Variants in AMBRA1 observed in about 807,000 individuals in gnomAD.
AMBRA1 encodes activating molecule in BECN1-regulated autophagy protein 1.
Under a neutral mutation model 125.4 loss-of-function variants are expected in AMBRA1, and 47 were observed. That is an observed-to-expected ratio of 0.37 (90% CI 0.30 to 0.48). The LOEUF is 0.48. Ranked by LOEUF, AMBRA1 falls within the 20% of genes least tolerant of loss-of-function variation. The pLI is 0.99. For synonymous variants in AMBRA1, 626 were observed against 655.5 expected, an observed-to-expected ratio of 0.95 and a Z score of 0.69; for missense variants, 1,331 against 1,693.4, an observed-to-expected ratio of 0.79 and a Z score of 3.76.
chr11:46,569,307 T>C (rs1277423222), intron 1 of AMBRA1, among the ~76,000 whole-genome samples: 1 of 150,180 alleles, frequency 6.7e-6, no homozygotes, highest in Non-Finnish European at 1.5e-5. Context: ...AAACTCATAG[T>C]TCATACAAAC....
chr11:46,524,637 G>T (rs957062785), intron 7 of AMBRA1, among the ~76,000 whole-genome samples: 2 of 152,126 alleles, frequency 1.3e-5, no homozygotes, highest in African/African-American at 2.4e-5. Flanking sequence ...ATTTCACATG[G>T]TTATTATGAT....
chr11:46,525,515 C>T (rs1325388780), intron 7 of AMBRA1, among the ~76,000 whole-genome samples: 1 of 152,122 alleles, frequency 6.6e-6, no homozygotes, highest in Non-Finnish European at 1.5e-5. Context: ...AAGGCCAAGG[C>T]AGGTAGATCA....
chr11:46,554,395 C>T (rs952585994), intron 1 of AMBRA1, among the ~76,000 whole-genome samples: 7 of 152,082 alleles, frequency 4.6e-5, no homozygotes, highest in Non-Finnish European at 2.9e-5. Context: ...CTACAGGATT[C>T]AGAAAGGGGA....
intron 1 of AMBRA1, among the ~76,000 whole-genome samples, chr11:46,577,216 T>C (rs1470682494): frequency 6.6e-6 from 1 of 152,222 alleles, no homozygotes; most frequent in Non-Finnish European, 1.5e-5. Context: ...CAAATGTTCT[T>C]CAATGGATGA....
intron 7 of AMBRA1, among the ~76,000 whole-genome samples, chr11:46,527,460 A>G (rs1379712173): frequency 2.1e-5 from 3 of 140,774 alleles, no homozygotes; most frequent in Non-Finnish European, 4.6e-5. Context: ...AGCCTAGGTG[A>G]CAAAGTGAGA....
At chr11:46,486,877 G>A (rs1362422079) in intron 11 of AMBRA1, among the ~76,000 whole-genome samples, 1 of 151,728 alleles carries the variant, frequency 6.6e-6, no homozygotes, top group Non-Finnish European at 1.5e-5. Flanking sequence ...CTGCACTCCA[G>A]CCTGGGTGAC....
At chr11:46,520,507 T>C (rs1163610401) in intron 7 of AMBRA1, among the ~76,000 whole-genome samples, 1 of 151,982 alleles carries the variant, frequency 6.6e-6, no homozygotes, top group Non-Finnish European at 1.5e-5. Context: ...TTACTGTCTG[T>C]AAAAAGCCTT....
chr11:46,547,377 A>G (rs1440444691), intron 3 of AMBRA1, 81 bp from the exon 4 acceptor site: 1 of 1,263,326 alleles, frequency 7.9e-7, no homozygotes, highest in Non-Finnish European at 1.1e-6. Context: ...GACATAGAAT[A>G]TTGATGCTAC....
At chr11:46,565,262 A>C (rs1451349146) in intron 1 of AMBRA1, among the ~76,000 whole-genome samples, 1 of 152,080 alleles carries the variant, frequency 6.6e-6, no homozygotes, top group Non-Finnish European at 1.5e-5. Context: ...CCCTCTAAAA[A>C]AAAAACGAAA....
rs539640926 is a variant in AMBRA1, at chr11:46,421,209, G to A, written c.2977-3157C>T. On this transcript the variant is annotated intron_variant, in intron 14 of 17. Coordinates refer to ENST00000683756, the MANE Select transcript of AMBRA1 (RefSeq NM_001387011.1). Reference sequence around the variant, plus strand: ...AAGTAATGAAATGTTGAGACCCCCGGGTTGTTGCTAGCCACTTCCCAACTT... The same window carrying A: ...AAGTAATGAAATGTTGAGACCCCCGAGTTGTTGCTAGCCACTTCCCAACTT... Among the ~76,000 whole-genome samples, 13 of 152,296 alleles carry A rather than the reference G, an allele frequency of 8.5e-5. No homozygotes were observed. In the South Asian group the frequency reaches 2.1e-3, roughly 24 times the overall value.
At chr11:46,494,054 A>C (rs1590948129) in intron 10 of AMBRA1, 70 bp downstream of exon 10, 35 of 1,428,870 alleles carry the variant, frequency 2.4e-5, no homozygotes, top group Non-Finnish European at 3.3e-5. Context: ...CAAAGACCAG[A>C]AAGTAGGTTT....
At chr11:46,530,850 AGTTT>A (rs1952181243) in intron 7 of AMBRA1, among the ~76,000 whole-genome samples, 1 of 152,200 alleles carries the variant, frequency 6.6e-6, no homozygotes, top group African/African-American at 2.4e-5. Flanking sequence ...CTCCATAAAT[AGTTT>A]TTTTGGAACA....
intron 1 of AMBRA1, among the ~76,000 whole-genome samples, chr11:46,569,821 T>G (rs2043691691): frequency 6.6e-6 from 1 of 151,572 alleles, no homozygotes; most frequent in South Asian, 2.1e-4. Flanking sequence ...ATTAGCCAGG[T>G]GTGTTGGTAT....
intron 17 of AMBRA1, among the ~76,000 whole-genome samples, chr11:46,400,488 T>TG (rs1945695748): frequency 1.4e-5 from 1 of 73,728 alleles, no homozygotes; most frequent in African/African-American, 7.1e-5. Flanking sequence ...TTTTTTTTTT[T>TG]TTTTTTTTTT....
chr11:46,568,742 A>T (rs568725094), intron 1 of AMBRA1, among the ~76,000 whole-genome samples: 33 of 147,032 alleles, frequency 2.2e-4, no homozygotes, highest in South Asian at 4.4e-4. Context: ...ATTGCACTCC[A>T]GCTTGGGCAA....
Position 46,575,054 on chromosome 11 carries a change from G to C in AMBRA1, c.-121+18774C>G, listed in dbSNP as rs148678267. ...TTCTTGGCAGCAGAGAAGTGAACAAGTAAATGCTCCCATAGTTCAACTAGC... is the reference window on the plus strand; with the variant it reads ...TTCTTGGCAGCAGAGAAGTGAACAACTAAATGCTCCCATAGTTCAACTAGC... On this transcript the variant is annotated intron_variant, in intron 1 of 17. Coordinates refer to ENST00000683756, the MANE Select transcript of AMBRA1 (RefSeq NM_001387011.1). Among the ~76,000 whole-genome samples the C allele has an allele frequency of 2.0e-3, 306 of 152,302 alleles. 1 individual carries two copies. The Middle Eastern group carries it at 0.024, about 12-fold the overall frequency.
At chr11:46,593,383 G>A (rs1326528510) in intron 1 of AMBRA1, among the ~76,000 whole-genome samples, 1 of 152,126 alleles carries the variant, frequency 6.6e-6, no homozygotes, top group African/African-American at 2.4e-5. Context: ...TCGCTCAGAA[G>A]AGCCAGAGGG....
In AMBRA1 at chr11:46,542,136, G is replaced by A; in HGVS notation, c.1881C>T (p.Pro627=). Residue 627 remains proline (P), a synonymous_variant, in exon 7 of 18, where the codon CCC becomes CCT. Transcript: ENST00000683756. This position sits in a 1 kb window ranked among gnomAD's most constrained non-coding sequence, Gnocchi z 5.9. ...PPLERTEGQT[P]SSSRLELSSS... is the part of the protein sequence containing the mutation. ...TGCTCAACTCCAGCCTGCTGGAGCT[G>A]GGCGTTTGGCCCTCAGTCCGCTCGA... is the stretch of plus-strand genomic sequence containing the variant. The A allele has an allele frequency of 1.2e-6, 2 of 1,614,054 alleles. No homozygotes were observed. Among genetic ancestry groups the A allele is most frequent in the Non-Finnish European group, 1.7e-6 (2 of 1,179,936 alleles).
intron 1 of AMBRA1, among the ~76,000 whole-genome samples, chr11:46,585,598 G>A (rs770808155): frequency 4.4e-4 from 55 of 126,068 alleles, no homozygotes; most frequent in South Asian, 5.3e-4. Context: ...CCAAGGAGGC[G>A]GAGGTTGCAG....
Sources: allele counts gnomAD v4.1 joint callset (sites outside exome capture counted in the v4.1 genomes callset), GRCh38; gene constraint gnomAD v4.1.1; non-coding constraint Gnocchi (gnomAD v3.1); transcripts MANE v1.5; gene names NCBI Gene and HGNC (gene_info 2026-07-23, HGNC 2026-07-21).